CYP19A1: variants seen among roughly 807,000 people sequenced by gnomAD.
The protein encoded by CYP19A1 is cytochrome P450 family 19 subfamily A member 1.
A neutral mutation model predicts 44.4 loss-of-function variants in CYP19A1; 32 were observed. The ratio of observed to expected loss-of-function variants is 0.72; its 90% CI spans 0.54 to 0.97. The LOEUF (loss-of-function observed/expected upper bound fraction) is 0.97, where lower values mean the gene tolerates loss of function less well. Among genes scored for constraint, CYP19A1 ranks in the 50% least tolerant of loss-of-function variants. The pLI, the probability that CYP19A1 is intolerant of heterozygous loss-of-function variation, is 0.00. For synonymous variants in CYP19A1, 212 were observed against 215.6 expected (o/e 0.98, Z 0.14); for missense variants, 598 against 637.8 (o/e 0.94, Z 0.67).
At position 51,242,886 on chromosome 15, in the gene CYP19A1, T is replaced by C; in HGVS notation, c.27A>G (p.Ile9Met). ...GCACGATGCTGGTGATGTTATAATGTATCGGGTTCAGCATTTCCAAAACCA... is the reference window on the plus strand; with the variant it reads ...GCACGATGCTGGTGATGTTATAATGCATCGGGTTCAGCATTTCCAAAACCA... MVLEMLNP[I>M]HYNITSIVPE... The change falls in exon 2 of 10, where the codon ATA becomes ATG. Residue 9 changes from isoleucine (I) to methionine (M), a missense_variant. Coordinates refer to ENST00000396402, the MANE Select transcript of CYP19A1 (RefSeq NM_000103.4). 1 of 1,610,866 alleles carries C rather than the reference T, an allele frequency of 6.2e-7. No individual in the cohort carries two copies. The highest frequency in any genetic ancestry group is 8.5e-7 in the Non-Finnish European group (1 of 1,177,006).
intron 5 of CYP19A1, among the ~76,000 whole-genome samples, chr15:51,219,482 G>C (rs2031883116): frequency 6.6e-6 from 1 of 152,232 alleles, no homozygotes; most frequent in South Asian, 2.1e-4. Flanking sequence ...CATGGGCGTT[G>C]TGGTGTCATC....
intron 2 of CYP19A1, among the ~76,000 whole-genome samples, chr15:51,238,591 C>T (rs987058749): frequency 3.3e-5 from 5 of 152,138 alleles, no homozygotes; most frequent in African/African-American, 9.7e-5. Context: ...CGGGTTCAAG[C>T]GATTCTTTTG....
At chr15:51,333,078 A>G (rs979017430) in intron 1 of CYP19A1, among the ~76,000 whole-genome samples, 1 of 152,162 alleles carries the variant, frequency 6.6e-6, no homozygotes, top group African/African-American at 2.4e-5. Context: ...ATTTGGTTCC[A>G]GAAAGTCTTT....
chr15:51,235,599 T>G (rs377523140), intron 3 of CYP19A1, among the ~76,000 whole-genome samples: 6 of 152,216 alleles, frequency 3.9e-5, no homozygotes, highest in African/African-American at 1.4e-4. Context: ...AAAAAATTCT[T>G]TTTGGATAGT....
chr15:51,288,953 C>T (rs974545692), intron 1 of CYP19A1, among the ~76,000 whole-genome samples: 6 of 152,222 alleles, frequency 3.9e-5, no homozygotes, highest in African/African-American at 1.2e-4. Flanking sequence ...GTGACCTCCC[C>T]GCAACATAAC....
At position 51,215,228 on chromosome 15, in the gene CYP19A1, C is replaced by T. The variant is rs756723709; in HGVS notation, c.863G>A (p.Arg288His). The part of the protein sequence containing the change: ...FATELILAEK[R>H]GDLTRENVNQ... ...CACATTCTCTCTTGTCAGGTCACCACGTTTCTGAACAATTGGAAGATGGGA... is the reference window on the plus strand; with the variant it reads ...CACATTCTCTCTTGTCAGGTCACCATGTTTCTGAACAATTGGAAGATGGGA... Residue 288 changes from arginine to histidine, a missense_variant, in exon 8 of 10, where the codon CGT becomes CAT. Arg to His is a conservative substitution (Grantham distance 29). Coordinates refer to ENST00000396402, the MANE Select transcript of CYP19A1 (RefSeq NM_000103.4). 2.5e-5 allele frequency: 41 copies of T among 1,613,896 alleles called. No homozygotes were observed. Among genetic ancestry groups the T allele is most frequent in the South Asian group, 1.8e-4 (16 of 91,070 alleles).
intron 1 of CYP19A1, among the ~76,000 whole-genome samples, chr15:51,328,282 T>C (rs999879476): frequency 3.9e-5 from 6 of 152,200 alleles, no homozygotes; most frequent in African/African-American, 1.4e-4. Flanking sequence ...GGATGCTAGA[T>C]CCACCTATGT....
intron 1 of CYP19A1, among the ~76,000 whole-genome samples, chr15:51,337,501 T>G (rs1471718386): frequency 6.6e-6 from 1 of 152,370 alleles, no homozygotes; most frequent in South Asian, 2.1e-4. Flanking sequence ...TCTAAAGTCA[T>G]GCAGTTAAAA....
At position 51,211,061 on chromosome 15, in the gene CYP19A1, GA is replaced by G; in HGVS notation, c.1264-6del. 1 of 1,571,728 alleles carries G rather than the reference GA, an allele frequency of 6.4e-7. No individual in the cohort carries two copies. The highest frequency in any genetic ancestry group is 8.8e-7 in the Non-Finnish European group (1 of 1,141,418). The stretch of plus-strand genomic sequence containing the variant: ...CTGAAAGTACCTATAAGGAACCTAT[GA>G]AAATGATCAGACAGTTAGCCAGAAT... On this transcript the variant is annotated splice_polypyrimidine_tract_variant and splice_region_variant and intron_variant, in intron 9 of 9. Coordinates refer to ENST00000396402, the MANE Select transcript of CYP19A1 (RefSeq NM_000103.4).
chr15:51,217,231 T>G (rs913047808), intron 6 of CYP19A1, among the ~76,000 whole-genome samples: 1 of 152,144 alleles, frequency 6.6e-6, no homozygotes, highest in African/African-American at 2.4e-5. Context: ...GCCTCTAAAT[T>G]CATAGAGAGC....
intron 1 of CYP19A1, among the ~76,000 whole-genome samples, chr15:51,258,720 G>A (rs941553641): frequency 6.6e-6 from 1 of 152,170 alleles, no homozygotes; most frequent in African/African-American, 2.4e-5. Flanking sequence ...AGAGGTGTAC[G>A]ATATGTACCT....
At chr15:51,304,764 A>C (rs1252985653) in intron 1 of CYP19A1, among the ~76,000 whole-genome samples, 1 of 152,076 alleles carries the variant, frequency 6.6e-6, no homozygotes. Flanking sequence ...TCCTCAGCCT[A>C]ATATTCAAGG....
intron 1 of CYP19A1, among the ~76,000 whole-genome samples, chr15:51,291,497 G>A (rs531125778): frequency 6.6e-6 from 1 of 152,268 alleles, no homozygotes; most frequent in East Asian, 1.9e-4. Context: ...CACAGAACAT[G>A]AGAAAAAAGG....
intron 1 of CYP19A1, among the ~76,000 whole-genome samples, chr15:51,258,070 G>T (rs922829150): frequency 2.0e-5 from 3 of 152,320 alleles, no homozygotes; most frequent in African/African-American, 7.2e-5. Flanking sequence ...ACTTGCTCAA[G>T]GTCATCCAGG....
At chr15:51,249,708 T>C (rs989694178) in intron 1 of CYP19A1, among the ~76,000 whole-genome samples, 3 of 152,142 alleles carry the variant, frequency 2.0e-5, no homozygotes, top group African/African-American at 7.2e-5. Flanking sequence ...AACTTCTACA[T>C]CAAGGAGACA....
chr15:51,263,667 G>T (rs1205537485), intron 1 of CYP19A1, among the ~76,000 whole-genome samples: 1 of 152,222 alleles, frequency 6.6e-6, no homozygotes, highest in Non-Finnish European at 1.5e-5. Context: ...CCTGTGGAGG[G>T]ACTGTACTTT....
At position 51,309,198 on chromosome 15, in the gene CYP19A1, T is replaced by C. The variant is rs112030301; in HGVS notation, c.-39+29297A>G. Among the ~76,000 whole-genome samples the C allele has an allele frequency of 4.9e-3, 742 of 152,236 alleles. 16 individuals are homozygous for C. The highest frequency in any genetic ancestry group is 3.6e-3 in the Non-Finnish European group (247 of 67,994). ...GGATTGGTGCCTCTGTAAGAAGAGGTACCAGACGGCTTTTTAGCTCTCTTT... is the reference window on the plus strand; with the variant it reads ...GGATTGGTGCCTCTGTAAGAAGAGGCACCAGACGGCTTTTTAGCTCTCTTT... On this transcript the variant is annotated intron_variant, in intron 1 of 9. Coordinates refer to ENST00000396402, the MANE Select transcript of CYP19A1 (RefSeq NM_000103.4).
chr15:51,309,600 C>G (rs1231248765), intron 1 of CYP19A1, among the ~76,000 whole-genome samples: 2 of 152,190 alleles, frequency 1.3e-5, no homozygotes, highest in African/African-American at 4.8e-5. Flanking sequence ...CTGTTAAAAA[C>G]AGGTAATCTA....
chr15:51,317,927 C>T (rs1348311148), intron 1 of CYP19A1, among the ~76,000 whole-genome samples: 1 of 152,172 alleles, frequency 6.6e-6, no homozygotes, highest in Non-Finnish European at 1.5e-5. Flanking sequence ...CTGGGGCAGA[C>T]GGAGTATAAA....
Sources: allele counts gnomAD v4.1 joint callset (sites outside exome capture counted in the v4.1 genomes callset), GRCh38; gene constraint gnomAD v4.1.1; transcripts MANE v1.5; gene names NCBI Gene and HGNC (gene_info 2026-07-23, HGNC 2026-07-21).